DLGAP1: variants seen among roughly 807,000 people sequenced by gnomAD.
The protein encoded by DLGAP1 is DLG associated protein 1.
DLGAP1 carries 11 observed loss-of-function variants against 90.8 expected under a neutral mutation model. The observed-to-expected ratio is 0.12, with a 90% CI of 0.08 to 0.20. The LOEUF is 0.20. Among genes scored for constraint, DLGAP1 ranks in the 10% least tolerant of loss-of-function variants. The pLI is 1.00. For missense variants in DLGAP1, 1,050 were observed against 1,333.8 expected, an observed-to-expected ratio of 0.79 and a Z score of 3.31; for synonymous variants, 558 against 540.7, an observed-to-expected ratio of 1.03 and a Z score of -0.44.
Position 4,394,306 on chromosome 18 carries a change from A to G in DLGAP1, c.-267+60700T>C, listed in dbSNP as rs113518068. 6.3e-3 allele frequency among the ~76,000 whole-genome samples: 960 copies of G among 152,318 alleles called. 10 individuals carry two copies. Among genetic ancestry groups the G allele is most frequent in the African/African-American group, 0.022 (923 of 41,558 alleles). Reference sequence around the variant, plus strand: ...AATTCTAATCAGTATCAATTATCAAATGTCTACTGTTCTTTAATCAGGAGG... The same window carrying G: ...AATTCTAATCAGTATCAATTATCAAGTGTCTACTGTTCTTTAATCAGGAGG... On this transcript the variant is annotated intron_variant, in intron 1 of 12. Coordinates refer to ENST00000315677, the MANE Select transcript of DLGAP1 (RefSeq NM_004746.4).
chr18:3,740,131 C>T (rs1436590073), intron 6 of DLGAP1, among the ~76,000 whole-genome samples: 1 of 152,068 alleles, frequency 6.6e-6, no homozygotes, highest in African/African-American at 2.4e-5. Context: ...AATATTTTTC[C>T]AACAGAATAT....
intron 1 of DLGAP1, among the ~76,000 whole-genome samples, chr18:4,417,168 G>T (rs79083647): frequency 0.033 from 5,087 of 152,166 alleles, 280 homozygotes; most frequent in African/African-American, 0.11. Flanking sequence ...TTTATGATGT[G>T]TGACTGTGAC....
intron 10 of DLGAP1, among the ~76,000 whole-genome samples, chr18:3,512,714 A>G (rs1455937232): frequency 3.3e-5 from 5 of 152,192 alleles, no homozygotes; most frequent in Admixed American, 3.3e-4. Context: ...TCAAACTACA[A>G]AGTTTCTTCC....
chr18:3,954,676 G>A (rs1308914627), intron 3 of DLGAP1, among the ~76,000 whole-genome samples: 2 of 152,086 alleles, frequency 1.3e-5, no homozygotes, highest in East Asian at 3.8e-4. Context: ...ACAAGATTAG[G>A]AACTTTTCAA....
chr18:4,042,910 T>C lies in DLGAP1; in HGVS notation c.-158-37709A>G, dbSNP rs1054945079. Among the ~76,000 whole-genome samples, 3 of 152,234 alleles carry C rather than the reference T, an allele frequency of 2.0e-5. No homozygotes were observed. In the South Asian group the frequency reaches 6.2e-4, roughly 32 times the overall value. On this transcript the variant is annotated intron_variant, in intron 2 of 12. Transcript: ENST00000315677. ...AATACTTTAAAATATTAAAAGTTTA[T>C]ATATGATTAATAGTTAACAGCAGAA...
In DLGAP1 at chr18:4,380,603, A is replaced by G. The variant is rs1598319962; in HGVS notation, c.-267+74403T>C. Among the ~76,000 whole-genome samples the G allele has an allele frequency of 2.0e-5, 3 of 152,310 alleles. No homozygotes were observed. In the South Asian group the frequency reaches 6.2e-4, roughly 32 times the overall value. Reference sequence around the variant, plus strand: ...TGAGCGCTTAAGGGATATAATGGAGAATAGAATCTAATCTAGCAGATATTC... The same window carrying G: ...TGAGCGCTTAAGGGATATAATGGAGGATAGAATCTAATCTAGCAGATATTC... On this transcript the variant is annotated intron_variant, in intron 1 of 12. Coordinates refer to ENST00000315677, the MANE Select transcript of DLGAP1 (RefSeq NM_004746.4).
At chr18:3,523,135 C>T (rs1052460748) in intron 10 of DLGAP1, among the ~76,000 whole-genome samples, 12 of 151,130 alleles carry the variant, frequency 7.9e-5, no homozygotes, top group South Asian at 2.1e-4. Flanking sequence ...CACTTTGGGA[C>T]GCTGAGGTAG....
At position 3,692,255 on chromosome 18, in the gene DLGAP1, C is replaced by T. The variant is rs376315813; in HGVS notation, c.1591+36880G>A. 4.2e-4 allele frequency among the ~76,000 whole-genome samples: 64 copies of T among 151,242 alleles called. No homozygotes were observed. The South Asian group carries it at 0.013, about 30-fold the overall frequency. On this transcript the variant is annotated intron_variant, in intron 7 of 12. Transcript: ENST00000315677. ...TACCAGAGGAGAGAAGTAATCATTT[C>T]CATTATGTGTATTTTTTGGAGTGTT... is the stretch of plus-strand genomic sequence containing the variant.
intron 9 of DLGAP1, among the ~76,000 whole-genome samples, chr18:3,547,067 C>T (rs1050249007): frequency 1.3e-5 from 2 of 151,964 alleles, no homozygotes; most frequent in South Asian, 2.1e-4. Context: ...TTTGAGAGGC[C>T]GTGGCAGGTG....
intron 5 of DLGAP1, among the ~76,000 whole-genome samples, chr18:3,804,362 T>C (rs541535703): frequency 1.3e-5 from 2 of 152,314 alleles, no homozygotes; most frequent in Non-Finnish European, 2.9e-5. Context: ...AAAGGACTAG[T>C]TAATGCTGGT....
chr18:3,944,922 T>C (rs1242046809), intron 3 of DLGAP1, among the ~76,000 whole-genome samples: 1 of 152,228 alleles, frequency 6.6e-6, no homozygotes, highest in Non-Finnish European at 1.5e-5. Context: ...GCTCTTTTAC[T>C]AACATAACAG....
intron 1 of DLGAP1, among the ~76,000 whole-genome samples, chr18:4,452,403 TG>T (rs2083857090): frequency 6.6e-6 from 1 of 152,138 alleles, no homozygotes; most frequent in African/African-American, 2.4e-5. Flanking sequence ...TGCATATTAG[TG>T]AATATTGCTC....
At chr18:4,220,756 T>C (rs1013855162) in intron 1 of DLGAP1, among the ~76,000 whole-genome samples, 13 of 152,146 alleles carry the variant, frequency 8.5e-5, no homozygotes, top group African/African-American at 3.1e-4. Flanking sequence ...GATGAACTCT[T>C]ACTCTTTTTA....
chr18:3,741,312 CCACCACCACCACCACCAT>C (rs2063023149), intron 6 of DLGAP1, among the ~76,000 whole-genome samples: 1 of 131,320 alleles, frequency 7.6e-6, no homozygotes, highest in Non-Finnish European at 1.6e-5. Context: ...CATCACATCA[CCACCACCACCACCACCAT>C]CACCACCACC....
At chr18:4,341,801 C>G (rs775248104) in intron 1 of DLGAP1, among the ~76,000 whole-genome samples, 29 of 152,118 alleles carry the variant, frequency 1.9e-4, no homozygotes, top group Non-Finnish European at 4.0e-4. Context: ...TTAGCTCTTA[C>G]TTGGAAGAAT....
intron 2 of DLGAP1, among the ~76,000 whole-genome samples, chr18:4,030,137 CATGT>C (rs2074771966): frequency 6.6e-6 from 1 of 152,152 alleles, no homozygotes; most frequent in African/African-American, 2.4e-5. Flanking sequence ...ATCTCACAGG[CATGT>C]GCAACCATGC....
intron 2 of DLGAP1, among the ~76,000 whole-genome samples, chr18:4,016,665 A>G (rs2074528143): frequency 7.1e-6 from 1 of 140,458 alleles, no homozygotes; most frequent in East Asian, 2.0e-4. Context: ...TGTTCCTTGA[A>G]TTAAAAAAAA....
intron 3 of DLGAP1, among the ~76,000 whole-genome samples, chr18:3,885,884 C>G (rs1334904701): frequency 1.3e-5 from 2 of 152,102 alleles, no homozygotes; most frequent in Non-Finnish European, 2.9e-5. Context: ...ATGACCAAAA[C>G]AAGAATAATC....
At chr18:3,688,653 ACACACACACACAC>A (rs1567965613) in intron 7 of DLGAP1, among the ~76,000 whole-genome samples, 1,813 of 140,752 alleles carry the variant, frequency 0.013, 74 homozygotes, top group African/African-American at 0.044. Flanking sequence ...ACACACACAC[ACACACACACACAC>A]ACCCTACCAA....
Sources: allele counts gnomAD v4.1 joint callset (sites outside exome capture counted in the v4.1 genomes callset), GRCh38; gene constraint gnomAD v4.1.1; transcripts MANE v1.5; gene names NCBI Gene and HGNC (gene_info 2026-07-23, HGNC 2026-07-21).